RTN1: variants seen among roughly 807,000 people sequenced by gnomAD.
RTN1 encodes the protein reticulon 1.
RTN1 carries 25 observed loss-of-function variants against 65.5 expected under a neutral mutation model. That is an observed-to-expected ratio of 0.38 (90% CI 0.28 to 0.53). RTN1 has a LOEUF of 0.53. RTN1 is among the 20% of genes least tolerant of loss of function. RTN1 has a pLI of 0.79. For missense variants in RTN1, 983 were observed against 1,025.4 expected, an observed-to-expected ratio of 0.96 and a Z score of 0.57; for synonymous variants, 471 against 447.6, an observed-to-expected ratio of 1.05 and a Z score of -0.66.
At chr14:59,840,418 C>T (rs1422614144) in intron 1 of RTN1, among the ~76,000 whole-genome samples, 1 of 152,154 alleles carries the variant, frequency 6.6e-6, no homozygotes, top group Non-Finnish European at 1.5e-5. Context: ...GTGACTAGCT[C>T]CTTCTTTTTT....
At chr14:59,717,981 T>C (rs543740728) in intron 3 of RTN1, among the ~76,000 whole-genome samples, 3 of 152,296 alleles carry the variant, frequency 2.0e-5, no homozygotes, top group Admixed American at 6.5e-5. Context: ...AATCCTGGGG[T>C]GAGCCCGGGA....
intron 3 of RTN1, among the ~76,000 whole-genome samples, chr14:59,651,489 C>T (rs1883019052): frequency 1.3e-5 from 2 of 152,146 alleles, no homozygotes; most frequent in South Asian, 4.2e-4. Context: ...TCTGTAATTG[C>T]AGCACTTTGG....
chr14:59,813,342 G>A (rs1293393792), intron 1 of RTN1, among the ~76,000 whole-genome samples: 1 of 152,116 alleles, frequency 6.6e-6, no homozygotes, highest in Non-Finnish European at 1.5e-5. Context: ...ATTGTTAAAT[G>A]TATTAAAAGC....
intron 3 of RTN1, among the ~76,000 whole-genome samples, chr14:59,713,695 T>C (rs1304945381): frequency 6.6e-6 from 1 of 152,232 alleles, no homozygotes; most frequent in East Asian, 1.9e-4. Context: ...TTCCTAGGTG[T>C]CTCCTAGCTT....
At chr14:59,736,891 A>G (rs1885012635) in intron 2 of RTN1, among the ~76,000 whole-genome samples, 3 of 152,262 alleles carry the variant, frequency 2.0e-5, no homozygotes, top group Admixed American at 2.0e-4. Context: ...GATTAATCAC[A>G]TAAGCAGATC....
rs542200278 is a variant in RTN1 at position 59,751,944 on chromosome 14, G to A, written c.242-5463C>T. On this transcript the variant is annotated intron_variant, in intron 1 of 8. Transcript: ENST00000267484. ...CACCATTCCTCTCACCCTCCACTCC[G>A]GGCATACAAAGCCCTTCACAGTCTC... 3.9e-5 allele frequency among the ~76,000 whole-genome samples: 6 copies of A among 152,112 alleles called. 1 individual carries two copies. The South Asian group carries it at 8.3e-4, about 21-fold the overall frequency.
At chr14:59,743,578 C>T (rs1187620626) in intron 2 of RTN1, among the ~76,000 whole-genome samples, 3 of 152,190 alleles carry the variant, frequency 2.0e-5, no homozygotes, top group South Asian at 2.1e-4. Flanking sequence ...AGGGGCAAGA[C>T]GTATCTAATC....
intron 1 of RTN1, among the ~76,000 whole-genome samples, chr14:59,843,931 T>C (rs528980675): frequency 7.2e-4 from 109 of 152,258 alleles, no homozygotes; most frequent in African/African-American, 2.6e-3. Context: ...ATTAAGAAAA[T>C]AAATGGGTTA....
rs534368151 is a variant in RTN1, at chr14:59,723,936, T to G, written c.1765+2983A>C. On this transcript the variant is annotated intron_variant, in intron 3 of 8. Coordinates refer to ENST00000267484, the MANE Select transcript of RTN1 (RefSeq NM_021136.3). Reference sequence around the variant, plus strand: ...CACTCTAATAAAAAGTATTCTACAATCACATAGGTTTGGTAAATATCACAT... The same window carrying G: ...CACTCTAATAAAAAGTATTCTACAAGCACATAGGTTTGGTAAATATCACAT... Among the ~76,000 whole-genome samples, 26 of 152,356 alleles carry G rather than the reference T, an allele frequency of 1.7e-4. No individual in the cohort carries two copies. In the South Asian group the frequency reaches 5.0e-3, roughly 29 times the overall value.
chr14:59,681,238 T>C (rs1448412209), intron 3 of RTN1, among the ~76,000 whole-genome samples: 3 of 152,182 alleles, frequency 2.0e-5, no homozygotes, highest in East Asian at 1.9e-4. Context: ...TTATTTGCTA[T>C]GAACAATTCT....
chr14:59,857,961 C>T (rs1327145920), intron 1 of RTN1, among the ~76,000 whole-genome samples: 2 of 152,172 alleles, frequency 1.3e-5, no homozygotes, highest in Non-Finnish European at 2.9e-5. Flanking sequence ...TGCCCCCTTC[C>T]AATTCTATCC....
intron 3 of RTN1, among the ~76,000 whole-genome samples, chr14:59,724,185 A>G (rs1884707866): frequency 1.3e-5 from 2 of 152,210 alleles, no homozygotes; most frequent in Non-Finnish European, 1.5e-5. Context: ...AAACTGAAGC[A>G]TGAAGAAAGA....
At chr14:59,609,968 G>C (rs1270208229) in intron 3 of RTN1, among the ~76,000 whole-genome samples, 1 of 152,222 alleles carries the variant, frequency 6.6e-6, no homozygotes, top group Non-Finnish European at 1.5e-5. Context: ...AGAATGATTT[G>C]TGCTGAAGGG....
chr14:59,751,113 T>G (rs1885511140), intron 1 of RTN1, among the ~76,000 whole-genome samples: 1 of 151,606 alleles, frequency 6.6e-6, no homozygotes, highest in Non-Finnish European at 1.5e-5. Flanking sequence ...TAACGATACT[T>G]CATTTAGCAA....
chr14:59,635,999 T>A (rs1289359896), intron 3 of RTN1, among the ~76,000 whole-genome samples: 1 of 152,104 alleles, frequency 6.6e-6, no homozygotes, highest in Non-Finnish European at 1.5e-5. Flanking sequence ...TTATTGGAAA[T>A]ACATCTAAAT....
chr14:59,757,595 G>C (rs1470047889), intron 1 of RTN1, among the ~76,000 whole-genome samples: 1 of 152,094 alleles, frequency 6.6e-6, no homozygotes, highest in African/African-American at 2.4e-5. Flanking sequence ...AACTAATACA[G>C]AGCCCTCATA....
chr14:59,750,816 A>T (rs1363032173), intron 1 of RTN1, among the ~76,000 whole-genome samples: 1 of 140,860 alleles, frequency 7.1e-6, no homozygotes, highest in African/African-American at 2.7e-5. Flanking sequence ...TAGGCTCAAA[A>T]CATCCATCTA....
intron 3 of RTN1, among the ~76,000 whole-genome samples, chr14:59,616,354 T>C (rs984585018): frequency 6.6e-6 from 1 of 152,192 alleles, no homozygotes; most frequent in South Asian, 2.1e-4. Context: ...ATTTTTATCA[T>C]CCACAGACAA....
chr14:59,851,152 A>G (rs1887499932), intron 1 of RTN1, among the ~76,000 whole-genome samples: 1 of 152,236 alleles, frequency 6.6e-6, no homozygotes, highest in Admixed American at 6.5e-5. Flanking sequence ...GTGATAATAC[A>G]TGGAGCATAT....
Sources: allele counts gnomAD v4.1 joint callset (sites outside exome capture counted in the v4.1 genomes callset), GRCh38; gene constraint gnomAD v4.1.1; transcripts MANE v1.5; gene names NCBI Gene and HGNC (gene_info 2026-07-23, HGNC 2026-07-21).